EBF4: variants seen among roughly 807,000 people sequenced by gnomAD.
EBF4 encodes the protein EBF transcription factor 4.
In EBF4, 34 loss-of-function variants were observed where a neutral mutation model predicts 67.1. That is an observed-to-expected ratio of 0.51 (90% CI 0.39 to 0.67). The LOEUF is 0.67. EBF4 is among the 30% of genes least tolerant of loss of function. EBF4 has a pLI of 0.00. For synonymous variants in EBF4, 387 were observed against 377.7 expected (o/e 1.02, Z -0.29); for missense variants, 837 against 873.3 (o/e 0.96, Z 0.52).
At chr20:2,695,972 C>G (rs1007168677) in intron 1 of EBF4, among the ~76,000 whole-genome samples, 2 of 152,152 alleles carry the variant, frequency 1.3e-5, no homozygotes, top group African/African-American at 2.4e-5. Flanking sequence ...CCTCAGCCAC[C>G]ACTTTTAGCA....
At position 2,739,997 on chromosome 20, in the gene EBF4, A is replaced by G. The variant is rs551197084; in HGVS notation, c.558-8552A>G. Among the ~76,000 whole-genome samples, 1 of 152,364 alleles carries G rather than the reference A, an allele frequency of 6.6e-6. No individual in the cohort carries two copies. The highest frequency in any genetic ancestry group is 2.4e-5 in the African/African-American group (1 of 41,596). On this transcript the variant is annotated intron_variant, in intron 6 of 16. Transcript: ENST00000609451. The surrounding 1 kb of genome is among the most constrained non-coding windows in gnomAD (Gnocchi z 4.5). ...CTGTCCAATATGGTAGTCTCGAGCC[A>G]CATGTGACTATTTAGATTTATGTTC...
chr20:2,720,191 G>A (rs910047389), intron 6 of EBF4, among the ~76,000 whole-genome samples: 3 of 152,124 alleles, frequency 2.0e-5, no homozygotes, highest in Admixed American at 2.0e-4. Flanking sequence ...CCGCCTCCCA[G>A]GTTCAAGCAA....
At chr20:2,709,428 G>A (rs1283036642) in intron 5 of EBF4, 146 bp from the exon 6 acceptor site, 1 of 660,288 alleles carries the variant, frequency 1.5e-6, no homozygotes, top group Admixed American at 3.1e-5. Context: ...CAAGCCCTGG[G>A]AGTGAGCCCC....
At chr20:2,709,321 A>T (rs998690259) in intron 5 of EBF4, among the ~76,000 whole-genome samples, 2 of 152,166 alleles carry the variant, frequency 1.3e-5, no homozygotes, top group African/African-American at 4.8e-5. Flanking sequence ...TGGGTCCTCC[A>T]GGAACGAGGT....
chr20:2,697,646 G>T (rs1241455799), intron 1 of EBF4, among the ~76,000 whole-genome samples: 1 of 152,094 alleles, frequency 6.6e-6, no homozygotes, highest in Non-Finnish European at 1.5e-5. Flanking sequence ...GGAGAGGGCT[G>T]CCCTCTCCCT....
chr20:2,693,288 C>G (rs1427010119), upstream of EBF4: 1 of 176,492 alleles, frequency 5.7e-6, no homozygotes. This position sits in a 1 kb window ranked among gnomAD's most constrained non-coding sequence, Gnocchi z 4.6. Flanking sequence ...CCTCCGACGA[C>G]CGCGGCCCCG....
At chr20:2,698,185 T>C (rs1227527668) in intron 1 of EBF4, among the ~76,000 whole-genome samples, 1 of 152,122 alleles carries the variant, frequency 6.6e-6, no homozygotes, top group African/African-American at 2.4e-5. Context: ...TCAGGGACTT[T>C]GGTCACTGTG....
At chr20:2,733,412 G>A (rs1030420747) in intron 6 of EBF4, among the ~76,000 whole-genome samples, 4 of 152,014 alleles carry the variant, frequency 2.6e-5, no homozygotes, top group African/African-American at 9.7e-5. Context: ...CATACTACTT[G>A]GAGTTTACTG....
intron 6 of EBF4, among the ~76,000 whole-genome samples, chr20:2,723,774 C>CCAATATATAA (rs370263521): frequency 0.045 from 6,901 of 152,160 alleles, 500 homozygotes; most frequent in African/African-American, 0.15. Context: ...GTATAGGTGA[C>CCAATATATAA]AAATAAAAAT....
rs542225515 is a variant in EBF4, at chr20:2,696,840, G to T, written c.137+3058G>T. Among the ~76,000 whole-genome samples the T allele has an allele frequency of 2.6e-5, 4 of 152,232 alleles. No individual in the cohort carries two copies. In the South Asian group the frequency reaches 8.3e-4, roughly 32 times the overall value. On this transcript the variant is annotated intron_variant, in intron 1 of 16. Transcript: ENST00000609451. This position sits in a 1 kb window ranked among gnomAD's most constrained non-coding sequence, Gnocchi z 4.7. ...TGCTGCCTACGAATGCTTACCATAG[G>T]CCAGCATCTGCTCTCCTCTGCCTGT...
In EBF4 at chr20:2,693,758, T is replaced by C; in HGVS notation, c.113T>C (p.Leu38Pro). ...TCCTGGATGCAGGGCGCGGGCATCC[T>C]GGACGCCAGCACCGCGGCGCAGAGG... is the stretch of plus-strand genomic sequence containing the variant. The change falls in exon 1 of 17, where the codon CTG (leucine) becomes CCG (proline). Residue 38 changes from leucine (L) to proline (P), a missense_variant. By Grantham distance (98) the Leu-to-Pro change is moderately conservative. Coordinates refer to ENST00000609451, the Ensembl canonical transcript of EBF4. This position sits in a 1 kb window ranked among gnomAD's most constrained non-coding sequence, Gnocchi z 4.6. 10 of 1,343,482 alleles carry C rather than the reference T, an allele frequency of 7.4e-6. No homozygotes were observed. Among genetic ancestry groups the C allele is most frequent in the Non-Finnish European group, 9.5e-6 (10 of 1,050,146 alleles). 83.2% of individuals were successfully genotyped at this position (1,343,482 alleles called of 1,614,324 possible). A position where few individuals can be genotyped will look rare whatever the true frequency, so the allele number is the denominator to read the frequency against.
intron 6 of EBF4, among the ~76,000 whole-genome samples, chr20:2,736,736 G>C (rs1001121667): frequency 6.6e-6 from 1 of 152,156 alleles, no homozygotes; most frequent in African/African-American, 2.4e-5. Flanking sequence ...TCAGAGCTGA[G>C]AGCATTTGAG....
chr20:2,749,362 C>T (rs775322269), intron 7 of EBF4, 39 bp from the exon 8 acceptor site: 3 of 1,480,268 alleles, frequency 2.0e-6, no homozygotes, highest in Non-Finnish European at 2.7e-6. Flanking sequence ...CGGGAGCCCC[C>T]GAGGGCCCCA....
Position 2,752,658 on chromosome 20 carries a change from C to A in EBF4, c.1540+113C>A, listed in dbSNP as rs904693238. 13 of 946,568 alleles carry A rather than the reference C, an allele frequency of 1.4e-5. No individual in the cohort carries two copies. In the African/African-American group the frequency reaches 1.7e-4, roughly 12 times the overall value. The allele number at this position is 946,568 out of a possible 1,614,324, so 58.6% of individuals were successfully genotyped here. ...GGGCGCCGGCGCCGTGAGAGTCGAC[C>A]CTGGCTCAGCCCTCGGGGTCAGGCC... On this transcript the variant is annotated intron_variant, in intron 14 of 16. Coordinates refer to ENST00000609451, the Ensembl canonical transcript of EBF4.
chr20:2,701,046 C>T (rs1468326786), intron 1 of EBF4, among the ~76,000 whole-genome samples: 1 of 152,254 alleles, frequency 6.6e-6, no homozygotes, highest in East Asian at 1.9e-4. Flanking sequence ...GCCCACTCTG[C>T]AGTCCTCCTC....
chr20:2,749,330 G>A, intron 7 of EBF4, 71 bp from the exon 8 acceptor site: 1 of 1,225,378 alleles, frequency 8.2e-7, no homozygotes, highest in African/African-American at 1.5e-5. Flanking sequence ...CAAGGTGCTG[G>A]TTCCCCACCA....
chr20:2,726,810 T>C (rs1352087369), intron 6 of EBF4, among the ~76,000 whole-genome samples: 2 of 152,182 alleles, frequency 1.3e-5, no homozygotes. Context: ...CGTAAAATTT[T>C]CCATCTTCAC....
At chr20:2,702,230 T>A (rs1475651000) in intron 1 of EBF4, among the ~76,000 whole-genome samples, 1 of 151,942 alleles carries the variant, frequency 6.6e-6, no homozygotes, top group Non-Finnish European at 1.5e-5. Context: ...GCCCAGGAGT[T>A]CAAGATCAGC....
At chr20:2,727,364 T>C (rs1238758919) in intron 6 of EBF4, among the ~76,000 whole-genome samples, 2 of 152,144 alleles carry the variant, frequency 1.3e-5, no homozygotes. Flanking sequence ...TATGCAGGGA[T>C]TGGCCAGGTT....
Sources: gnomAD v4.1 joint callset for allele counts (sites outside exome capture counted in the v4.1 genomes callset) on GRCh38, gnomAD v4.1.1 for gene constraint, Gnocchi (gnomAD v3.1) non-coding constraint, MANE v1.5 for transcripts, NCBI Gene and HGNC (gene_info 2026-07-23, HGNC 2026-07-21) for gene names.